The following KAZN variants were observed in gnomAD, a reference collection of about 807,000 sequenced individuals.
KAZN encodes the protein kazrin.
KAZN carries 40 observed loss-of-function variants against 87.4 expected under a neutral mutation model. The observed-to-expected ratio is 0.46, with a 90% CI of 0.36 to 0.60. The LOEUF (loss-of-function observed/expected upper bound fraction) is 0.60. KAZN is among the 20% of genes least tolerant of loss of function. The pLI is 0.00. For missense variants in KAZN, 898 were observed against 1,073.9 expected, an observed-to-expected ratio of 0.84 and a Z score of 2.29; for synonymous variants, 466 against 458.3, an observed-to-expected ratio of 1.02 and a Z score of -0.22.
intron 2 of KAZN, among the ~76,000 whole-genome samples, chr1:14,479,948 T>C (rs1404481562): frequency 6.6e-6 from 1 of 152,206 alleles, no homozygotes; most frequent in Non-Finnish European, 1.5e-5. Flanking sequence ...AAAAAGGAAG[T>C]GACAGCCCCG....
rs999962069 is a variant in KAZN at position 15,086,465 on chromosome 1, G to A, written c.1223-7715G>A. Among the ~76,000 whole-genome samples the A allele has an allele frequency of 2.6e-5, 4 of 152,160 alleles. No homozygotes were observed. The East Asian group carries it at 7.7e-4, about 29-fold the overall frequency. ...ACAAGGGTAAAACAGACTTTCTTCA[G>A]ATAGGCAAAAGTTGTAACAGCTAAC... is the stretch of plus-strand genomic sequence containing the variant. On this transcript the variant is annotated intron_variant, in intron 8 of 14. Transcript: ENST00000376030.
intron 2 of KAZN, among the ~76,000 whole-genome samples, chr1:14,591,307 T>G (rs992977444): frequency 6.6e-6 from 1 of 152,044 alleles, no homozygotes; most frequent in Non-Finnish European, 1.5e-5. Flanking sequence ...GGGTTATATA[T>G]TTTGCTTGGC....
At chr1:14,887,689 G>A (rs998032904) in intron 1 of KAZN, among the ~76,000 whole-genome samples, 2 of 144,282 alleles carry the variant, frequency 1.4e-5, no homozygotes, top group Admixed American at 7.1e-5. Flanking sequence ...TTTTGCGGTC[G>A]TGCTCCCAGG....
At chr1:14,191,932 G>C (rs1646427505) in intron 2 of KAZN, among the ~76,000 whole-genome samples, 1 of 152,152 alleles carries the variant, frequency 6.6e-6, no homozygotes, top group Non-Finnish European at 1.5e-5. Context: ...TGCTAAAGGA[G>C]CCAATCTCCT....
chr1:14,010,744 C>T (rs902896690), intron 1 of KAZN, among the ~76,000 whole-genome samples: 6 of 152,188 alleles, frequency 3.9e-5, no homozygotes, highest in African/African-American at 7.2e-5. Flanking sequence ...ACAATAAAAA[C>T]AGAGGTGTCA....
intron 4 of KAZN, among the ~76,000 whole-genome samples, chr1:15,053,007 C>A (rs976871882): frequency 1.3e-5 from 2 of 152,226 alleles, no homozygotes; most frequent in Non-Finnish European, 2.9e-5. Flanking sequence ...GTTTCAGGGG[C>A]TGGCTTGTAC....
chr1:15,088,079 G>T (rs755454228), intron 8 of KAZN, among the ~76,000 whole-genome samples: 1 of 152,204 alleles, frequency 6.6e-6, no homozygotes, highest in East Asian at 1.9e-4. Flanking sequence ...TCTCTATGTG[G>T]TCTTTTGCAC....
chr1:14,464,133 A>C (rs1214078214), intron 2 of KAZN, among the ~76,000 whole-genome samples: 2 of 152,310 alleles, frequency 1.3e-5, no homozygotes, highest in Non-Finnish European at 2.9e-5. Flanking sequence ...CCACGGTGGA[A>C]CTTCGTGCAA....
intron 13 of KAZN, among the ~76,000 whole-genome samples, chr1:15,110,022 A>C (rs1250488323): frequency 1.5e-5 from 2 of 135,980 alleles, no homozygotes; most frequent in Non-Finnish European, 3.1e-5. Context: ...GTATGTGTAG[A>C]TGGTGTTTGT....
chr1:14,478,317 AGAAG>A (rs61382779), intron 2 of KAZN, among the ~76,000 whole-genome samples: 30 of 146,256 alleles, frequency 2.1e-4, no homozygotes, highest in East Asian at 6.6e-4. Context: ...ATGGATGGAT[AGAAG>A]GAAGGAAGGA....
At chr1:14,008,591 T>A (rs1189527078) in intron 1 of KAZN, among the ~76,000 whole-genome samples, 11 of 152,150 alleles carry the variant, frequency 7.2e-5, no homozygotes. Context: ...TAAAGTTCAG[T>A]GGGATGGGCA....
In KAZN at chr1:14,709,444, A is replaced by C. The variant is rs984809939; in HGVS notation, c.226+110221A>C. On this transcript the variant is annotated intron_variant, in intron 1 of 14. Coordinates refer to ENST00000376030, the MANE Select transcript of KAZN (RefSeq NM_201628.3). ...AAACTTAAGACTGAAAATTCCAATG[A>C]GGCAGCTCTGAAGAGATGGTTCTCA... 2.6e-5 allele frequency among the ~76,000 whole-genome samples: 4 copies of C among 152,180 alleles called. No homozygotes were observed. In the East Asian group the frequency reaches 7.7e-4, roughly 29 times the overall value.
At chr1:14,832,621 G>A (rs987764012) in intron 1 of KAZN, among the ~76,000 whole-genome samples, 6 of 152,138 alleles carry the variant, frequency 3.9e-5, no homozygotes, top group Admixed American at 2.6e-4. Flanking sequence ...AAAAGAGAAA[G>A]AAAGAAAATC....
At chr1:14,464,998 G>A (rs979429553) in intron 2 of KAZN, among the ~76,000 whole-genome samples, 5 of 152,070 alleles carry the variant, frequency 3.3e-5, no homozygotes, top group African/African-American at 1.2e-4. Flanking sequence ...TGTGAGTCAG[G>A]AATCCAACAA....
chr1:13,918,872 C>G (rs1415716758), intron 1 of KAZN, among the ~76,000 whole-genome samples: 1 of 152,170 alleles, frequency 6.6e-6, no homozygotes, highest in Non-Finnish European at 1.5e-5. Flanking sequence ...CAGTCTGTGG[C>G]CCAGGCTGGA....
chr1:14,365,355 C>A (rs1366714282), intron 2 of KAZN, among the ~76,000 whole-genome samples: 3 of 79,974 alleles, frequency 3.8e-5, no homozygotes, highest in Non-Finnish European at 8.0e-5. Context: ...GCGCCCACCC[C>A]CTCCCCCCGG....
At chr1:14,470,403 G>A (rs1434561270) in intron 2 of KAZN, among the ~76,000 whole-genome samples, 3 of 152,134 alleles carry the variant, frequency 2.0e-5, no homozygotes, top group Non-Finnish European at 4.4e-5. Flanking sequence ...GAAGGCAAGA[G>A]GAAGGGAAAC....
chr1:14,314,180 G>A (rs1452311674), intron 2 of KAZN, among the ~76,000 whole-genome samples: 1 of 152,088 alleles, frequency 6.6e-6, no homozygotes, highest in African/African-American at 2.4e-5. Context: ...CTCTGTATAT[G>A]CCTGTACCTA....
intron 1 of KAZN, among the ~76,000 whole-genome samples, chr1:14,127,138 G>C (rs1014757082): frequency 3.9e-5 from 6 of 152,232 alleles, no homozygotes; most frequent in African/African-American, 1.4e-4. Context: ...CCCATCATCT[G>C]TTTGCCTCCA....
Sources: allele counts gnomAD v4.1 joint callset (sites outside exome capture counted in the v4.1 genomes callset), GRCh38; gene constraint gnomAD v4.1.1; transcripts MANE v1.5; gene names NCBI Gene and HGNC (gene_info 2026-07-23, HGNC 2026-07-21).